The following TYR variants were observed in gnomAD, a reference collection of about 807,000 sequenced individuals.
The protein encoded by TYR is tyrosinase.
In TYR, 58 loss-of-function variants were observed where a neutral mutation model predicts 51.5. The ratio of observed to expected loss-of-function variants is 1.13; its 90% confidence interval spans 0.91 to 1.40. TYR has a LOEUF of 1.40. TYR is among the 40% of genes most tolerant of loss of function. The probability of loss-of-function intolerance (pLI) is 0.00; values close to 1 mark genes in which losing one functional copy is unlikely to be tolerated. For missense variants in TYR, 732 were observed against 647.4 expected, an observed-to-expected ratio of 1.13 and a Z score of -1.42; for synonymous variants, 263 against 235.2, an observed-to-expected ratio of 1.12 and a Z score of -1.08.
At chr11:89,192,096 C>T (rs1943453766) in intron 2 of TYR, 2 of 377,904 alleles carry the variant, frequency 5.3e-6, no homozygotes, top group African/African-American at 4.4e-5. Flanking sequence ...TCTCATTATC[C>T]CTTAAGTTTT....
At chr11:89,292,373 A>G (rs974028883) in intron 4 of TYR, among the ~76,000 whole-genome samples, 1 of 152,090 alleles carries the variant, frequency 6.6e-6, no homozygotes, top group Non-Finnish European at 1.5e-5. Context: ...AAAAATATTC[A>G]TATAATAGAT....
chr11:89,189,718 G>A, intron 1 of TYR, among the ~76,000 whole-genome samples: 1 of 152,054 alleles, frequency 6.6e-6, no homozygotes, highest in Middle Eastern at 3.2e-3. Context: ...ATAACTATGT[G>A]AGGTAGTTGT....
At chr11:89,197,144 T>G (rs1039844741) in intron 2 of TYR, among the ~76,000 whole-genome samples, 1 of 152,028 alleles carries the variant, frequency 6.6e-6, no homozygotes, top group African/African-American at 2.4e-5. Context: ...GAACAACATA[T>G]GCAATGACAC....
At chr11:89,287,627 T>C (rs1023227714) in intron 4 of TYR, among the ~76,000 whole-genome samples, 30 of 151,822 alleles carry the variant, frequency 2.0e-4, no homozygotes, top group African/African-American at 7.0e-4. Flanking sequence ...ATATGACAGG[T>C]AGAATTAACT....
intron 3 of TYR, among the ~76,000 whole-genome samples, chr11:89,276,107 T>A (rs1944650952): frequency 6.6e-6 from 1 of 151,896 alleles, no homozygotes; most frequent in African/African-American, 2.4e-5. Flanking sequence ...TAAAAAGCTG[T>A]TGTTCTTCAG....
At chr11:89,253,339 C>T (rs1239113035) in intron 3 of TYR, among the ~76,000 whole-genome samples, 1 of 151,660 alleles carries the variant, frequency 6.6e-6, no homozygotes, top group Non-Finnish European at 1.5e-5. Context: ...GAGTTCTGCT[C>T]TTACATAATA....
intron 1 of TYR, 146 bp from the exon 2 acceptor site, chr11:89,191,056 C>A: frequency 1.4e-6 from 1 of 728,648 alleles, no homozygotes. Context: ...TTTCTCAGAA[C>A]ATATCCCTGT....
At chr11:89,254,095 G>T (rs1944361137) in intron 3 of TYR, among the ~76,000 whole-genome samples, 1 of 151,480 alleles carries the variant, frequency 6.6e-6, no homozygotes, top group Non-Finnish European at 1.5e-5. Flanking sequence ...TGTGATTTTT[G>T]CTTTTACTTG....
rs111283910 is a variant in TYR at position 89,271,591 on chromosome 11, G to A, written c.1185-13182G>A. ...TTGATGGTTGCTGACTGATCAGGGTGATGGCTGCTGAAGTTTGGAGTGGAT... is the reference window on the plus strand; with the variant it reads ...TTGATGGTTGCTGACTGATCAGGGTAATGGCTGCTGAAGTTTGGAGTGGAT... On this transcript the variant is annotated intron_variant, in intron 3 of 4. Coordinates refer to ENST00000263321, the MANE Select transcript of TYR (RefSeq NM_000372.5). Among the ~76,000 whole-genome samples, 97 of 152,030 alleles carry A rather than the reference G, an allele frequency of 6.4e-4. 1 individual carries two copies. Among genetic ancestry groups the A allele is most frequent in the African/African-American group, 2.1e-3 (88 of 41,546 alleles).
In TYR at chr11:89,198,416, C is replaced by T. The variant is rs189259337; in HGVS notation, c.1036+6998C>T. Among the ~76,000 whole-genome samples the T allele has an allele frequency of 3.3e-5, 5 of 152,074 alleles. No individual in the cohort carries two copies. In the East Asian group the frequency reaches 5.8e-4, roughly 18 times the overall value. Reference sequence around the variant, plus strand: ...TCAGTAGTTTGGTGTACCCTGACTCCGAGAGAGGCAGAAGGTTTTGAAAGA... The same window carrying T: ...TCAGTAGTTTGGTGTACCCTGACTCTGAGAGAGGCAGAAGGTTTTGAAAGA... On this transcript the variant is annotated intron_variant, in intron 2 of 4. Transcript: ENST00000263321.
chr11:89,233,605 T>C (rs1944077516), intron 3 of TYR, among the ~76,000 whole-genome samples: 1 of 141,968 alleles, frequency 7.0e-6, no homozygotes, highest in Non-Finnish European at 1.5e-5. Context: ...GATTACTCTC[T>C]GATCCATGGG....
At chr11:89,270,885 A>T (rs948163572) in intron 3 of TYR, among the ~76,000 whole-genome samples, 1 of 151,882 alleles carries the variant, frequency 6.6e-6, no homozygotes, top group African/African-American at 2.4e-5. Context: ...AGGACATATA[A>T]TGACCAATAA....
At chr11:89,287,439 C>T (rs71469251) in intron 4 of TYR, among the ~76,000 whole-genome samples, 6 of 151,850 alleles carry the variant, frequency 4.0e-5, no homozygotes, top group South Asian at 2.1e-4. Context: ...TTATTGAATA[C>T]GTACTTTGAA....
chr11:89,215,380 G>C (rs1223735294), intron 2 of TYR, among the ~76,000 whole-genome samples: 1 of 151,036 alleles, frequency 6.6e-6, no homozygotes, highest in African/African-American at 2.4e-5. Context: ...GGGGGTGGGG[G>C]GCTGGGGGAG....
chr11:89,246,470 CT>C (rs777004184), intron 3 of TYR, among the ~76,000 whole-genome samples: 1 of 152,120 alleles, frequency 6.6e-6, no homozygotes, highest in Non-Finnish European at 1.5e-5. Context: ...TGCTTTTGTT[CT>C]TTACTCACTG....
intron 2 of TYR, among the ~76,000 whole-genome samples, chr11:89,208,043 G>A (rs891506948): frequency 6.6e-6 from 1 of 152,098 alleles, no homozygotes; most frequent in Non-Finnish European, 1.5e-5. Context: ...CCAAGGCGGG[G>A]GGATCACGAA....
intron 4 of TYR, among the ~76,000 whole-genome samples, chr11:89,290,453 A>G (rs538195598): frequency 1.5e-4 from 23 of 152,202 alleles, no homozygotes; most frequent in Non-Finnish European, 3.2e-4. Context: ...GAAAATATTT[A>G]TTATGTAGCC....
At chr11:89,289,469 A>G (rs1460098143) in intron 4 of TYR, among the ~76,000 whole-genome samples, 1 of 151,974 alleles carries the variant, frequency 6.6e-6, no homozygotes, top group East Asian at 1.9e-4. Context: ...GCATTCCCTG[A>G]CTTCACAGAG....
intron 3 of TYR, among the ~76,000 whole-genome samples, chr11:89,232,106 C>T (rs1156693760): frequency 7.0e-6 from 1 of 142,808 alleles, no homozygotes; most frequent in Non-Finnish European, 1.5e-5. Flanking sequence ...TCTTAGCACA[C>T]GAAAAGTAAA....
Sources: allele counts gnomAD v4.1 joint callset (sites outside exome capture counted in the v4.1 genomes callset), GRCh38; gene constraint gnomAD v4.1.1; transcripts MANE v1.5; gene names NCBI Gene and HGNC (gene_info 2026-07-23, HGNC 2026-07-21).